The following RUBCN variants were observed in gnomAD, a reference collection of about 807,000 sequenced individuals.
RUBCN encodes rubicon autophagy regulator, also known as run domain Beclin-1-interacting and cysteine-rich domain-containing protein.
A neutral mutation model predicts 113.2 loss-of-function variants in RUBCN; 74 were observed. That is an observed-to-expected ratio of 0.65 (90% CI 0.54 to 0.79). The LOEUF is 0.79. Among genes scored for constraint, RUBCN ranks in the 30% least tolerant of loss-of-function variants. The probability of loss-of-function intolerance (pLI) is 0.00; values close to 1 mark genes in which losing one functional copy is unlikely to be tolerated. For synonymous variants in RUBCN, 480 were observed against 490.0 expected (o/e 0.98, Z 0.27); for missense variants, 1,109 against 1,251.7 (o/e 0.89, Z 1.72).
chr3:197,677,509 G>C lies in RUBCN; in HGVS notation c.2463C>G (p.Asn821Lys). The change falls in exon 17 of 20, where the codon AAC becomes AAG. Residue 821 changes from asparagine (N) to lysine (K), a missense_variant. Coordinates refer to ENST00000296343, the MANE Select transcript of RUBCN (RefSeq NM_014687.4). ...TGGCCAGTCGGCAAGTCTTGAACAT[G>C]TTCTTCATGTGACACAGCTGGACCC... is the stretch of plus-strand genomic sequence containing the variant. Reference protein sequence around the residue: ...LLRVQLCHMKNMFKTCRLAKE... With the variant: ...LLRVQLCHMKKMFKTCRLAKE... The C allele has an allele frequency of 1.2e-6, 2 of 1,614,188 alleles. No homozygotes were observed. The highest frequency in any genetic ancestry group is 1.7e-6 in the Non-Finnish European group (2 of 1,180,028).
At chr3:197,696,830 CTG>C in intron 8 of RUBCN, 122 bp downstream of exon 8, 2 of 691,660 alleles carry the variant, frequency 2.9e-6, no homozygotes, top group Admixed American at 4.1e-5. Context: ...AAAAGAGTGA[CTG>C]AGACTGTAAC....
chr3:197,747,761 G>A (rs937755484), intron 1 of RUBCN, among the ~76,000 whole-genome samples: 2 of 152,110 alleles, frequency 1.3e-5, no homozygotes, highest in Non-Finnish European at 2.9e-5. Context: ...GTGCTTAGAG[G>A]ATTTTAAATA....
chr3:197,736,587 G>C, intron 1 of RUBCN, 68 bp downstream of exon 1: 1 of 1,467,304 alleles, frequency 6.8e-7, no homozygotes. Flanking sequence ...GTGACCCCGC[G>C]CCCTCCCAAG....
chr3:197,735,559 T>C (rs747072777), intron 1 of RUBCN, among the ~76,000 whole-genome samples: 2 of 152,178 alleles, frequency 1.3e-5, no homozygotes, highest in African/African-American at 4.8e-5. Flanking sequence ...CAGACTCCGA[T>C]TCATCATTTA....
chr3:197,674,790 C>T lies in RUBCN; in HGVS notation c.*228G>A. 3.7e-6 allele frequency: 2 copies of T among 535,926 alleles called. No individual in the cohort carries two copies. Among genetic ancestry groups the T allele is most frequent in the East Asian group, 3.1e-5 (1 of 31,972 alleles). The allele number at this position is 535,926 out of a possible 1,614,324, so 33.2% of individuals were successfully genotyped here. ...ACCCGCATGTCAGTTCTGATGGAAA[C>T]ACCTGGTGTTTACAAATTATCTGTC... On this transcript the variant is annotated 3_prime_UTR_variant, in exon 20 of 20. Transcript: ENST00000296343.
At position 197,700,836 on chromosome 3, in the gene RUBCN, G is replaced by A. The variant is rs755428239; in HGVS notation, c.1038C>T (p.Ala346=). Residue 346 remains alanine (A), a synonymous_variant, in exon 7 of 20, where the codon GCC becomes GCT. Transcript: ENST00000296343. The stretch of plus-strand genomic sequence containing the variant: ...AGAACAAATTGGAACTGCTGCTCTC[G>A]GCATTGCTGCTGTGACTCTGACAGC... The part of the protein sequence containing the change: ...TASCQSHSSN[A]ESSSSNLFSS... 37 of 1,614,136 alleles carry A rather than the reference G, an allele frequency of 2.3e-5. No individual in the cohort carries two copies. The highest frequency in any genetic ancestry group is 6.7e-5 in the East Asian group (3 of 44,882).
rs1429962022 is a variant in RUBCN at position 197,681,724 on chromosome 3, A to C, written c.2191+111T>G. On this transcript the variant is annotated intron_variant, in intron 15 of 19. Coordinates refer to ENST00000296343, the MANE Select transcript of RUBCN (RefSeq NM_014687.4). This position sits in a 1 kb window ranked among gnomAD's most constrained non-coding sequence, Gnocchi z 5.5. Reference sequence around the variant, plus strand: ...TACGAACCTTTCTTTCTCCTTCCCTACTTCTGCCACGCCACCTCCTGCTAC... The same window carrying C: ...TACGAACCTTTCTTTCTCCTTCCCTCCTTCTGCCACGCCACCTCCTGCTAC... The C allele has an allele frequency of 1.1e-6, 1 of 932,460 alleles. No individual in the cohort carries two copies. The highest frequency in any genetic ancestry group is 1.6e-5 in the African/African-American group (1 of 61,546). The allele number at this position is 932,460 out of a possible 1,614,324, so 57.8% of individuals were successfully genotyped here. A position where few individuals can be genotyped will look rare whatever the true frequency, so the allele number is the denominator to read the frequency against.
chr3:197,687,493 CT>C (rs1721978280), intron 11 of RUBCN, among the ~76,000 whole-genome samples: 1 of 152,218 alleles, frequency 6.6e-6, no homozygotes, highest in African/African-American at 2.4e-5. Context: ...CCTTTGCCAG[CT>C]GGCATGATGT....
chr3:197,700,575 G>C (rs1723530939), intron 7 of RUBCN, 38 bp downstream of exon 7: 1 of 1,608,806 alleles, frequency 6.2e-7, no homozygotes, highest in East Asian at 2.2e-5. Flanking sequence ...CTCAATTCAG[G>C]GTCATCTTGC....
At chr3:197,677,424 T>C in intron 17 of RUBCN, 56 bp downstream of exon 17, 3 of 1,430,464 alleles carry the variant, frequency 2.1e-6, no homozygotes, top group Non-Finnish European at 3.0e-6. Context: ...CGCGGGGATG[T>C]GTCCCTTTCG....
chr3:197,701,767 T>C lies in RUBCN; in HGVS notation c.668A>G (p.Gln223Arg). The C allele has an allele frequency of 6.2e-7, 1 of 1,614,044 alleles. No individual in the cohort carries two copies. The change falls in exon 6 of 20, where the codon CAG becomes CGG. Residue 223 changes from glutamine (Q) to arginine (R), a missense_variant. Gln to Arg is a conservative substitution (Grantham distance 43). Transcript: ENST00000296343. ...AGAGAAGGACCCAAAGTAGGAATGC[T>C]GAGCATAGCTGTTTGGAGGGGTGTA... ...STYTPPNSYA[Q>R]HSYFGSFSSL...
chr3:197,700,282 A>T (rs1056052320), intron 7 of RUBCN, among the ~76,000 whole-genome samples: 2 of 152,202 alleles, frequency 1.3e-5, no homozygotes, highest in African/African-American at 4.8e-5. Context: ...ACTTAATGGG[A>T]TTATTTTTAA....
chr3:197,697,533 A>G (rs1347324775), intron 7 of RUBCN, among the ~76,000 whole-genome samples: 3 of 152,230 alleles, frequency 2.0e-5, no homozygotes, highest in Non-Finnish European at 2.9e-5. Context: ...CCTAAAAAGA[A>G]GCATCAAGGC....
rs142241977 is a variant in RUBCN at position 197,727,767 on chromosome 3, C to T, written c.65+8888G>A. Among the ~76,000 whole-genome samples the T allele has an allele frequency of 7.9e-5, 12 of 152,284 alleles. No homozygotes were observed. In the East Asian group the frequency reaches 9.6e-4, roughly 12 times the overall value. On this transcript the variant is annotated intron_variant, in intron 1 of 19. Transcript: ENST00000296343. ...GGAAGAAACTGTCAAGGTGTTACTG[C>T]GGCACAATAAGGCTGATTTCATGAG...
At chr3:197,714,361 C>A (rs779519664) in intron 2 of RUBCN, among the ~76,000 whole-genome samples, 8 of 152,140 alleles carry the variant, frequency 5.3e-5, no homozygotes, top group Non-Finnish European at 1.0e-4. Flanking sequence ...GAGACAGGGT[C>A]TCCCTCTAGG....
At position 197,736,785 on chromosome 3, in the gene RUBCN, C is replaced by T; in HGVS notation, c.-66G>A. On this transcript the variant is annotated 5_prime_UTR_variant, in exon 1 of 20. Transcript: ENST00000296343. Reference sequence around the variant, plus strand: ...CCTGCCGCTTCGCCCTTCAGGGCTCCCGGGGCCCCCTGGGGCCGGAGGAGG... The same window carrying T: ...CCTGCCGCTTCGCCCTTCAGGGCTCTCGGGGCCCCCTGGGGCCGGAGGAGG... 29 of 1,502,040 alleles carry T rather than the reference C, an allele frequency of 1.9e-5. No individual in the cohort carries two copies. The highest frequency in any genetic ancestry group is 2.6e-5 in the Non-Finnish European group (29 of 1,132,500). The allele number at this position is 1,502,040 out of a possible 1,614,324, so 93.0% of individuals were successfully genotyped here. A position where few individuals can be genotyped will look rare whatever the true frequency, so the allele number is the denominator to read the frequency against.
At chr3:197,699,223 T>G (rs1580246361) in intron 7 of RUBCN, 4 of 1,549,344 alleles carry the variant, frequency 2.6e-6, no homozygotes, top group Non-Finnish European at 3.5e-6. Context: ...GTGATATTCC[T>G]GGGGCCTCCT....
At chr3:197,731,286 T>A (rs529146812) in intron 1 of RUBCN, among the ~76,000 whole-genome samples, 10 of 149,526 alleles carry the variant, frequency 6.7e-5, no homozygotes, top group Non-Finnish European at 4.5e-5. Context: ...ATACAGCACA[T>A]GTTTCAGAGA....
intron 1 of RUBCN, 25 bp from the exon 2 acceptor site, chr3:197,718,155 T>C: frequency 6.2e-7 from 1 of 1,613,978 alleles, no homozygotes; most frequent in Non-Finnish European, 8.5e-7. Context: ...GTTACACCAA[T>C]CGTTAGTTAC....
Sources: allele counts gnomAD v4.1 joint callset (sites outside exome capture counted in the v4.1 genomes callset), GRCh38; gene constraint gnomAD v4.1.1; non-coding constraint Gnocchi (gnomAD v3.1); transcripts MANE v1.5; gene names NCBI Gene and HGNC (gene_info 2026-07-23, HGNC 2026-07-21).